Variants in ETFA observed in about 807,000 individuals in gnomAD.
The protein encoded by ETFA is electron transfer flavoprotein subunit alpha.
ETFA carries 22 observed loss-of-function variants against 46.2 expected under a neutral mutation model. The ratio of observed to expected loss-of-function variants is 0.48; its 90% CI spans 0.34 to 0.68. The LOEUF (loss-of-function observed/expected upper bound fraction) is 0.68. Ranked by LOEUF, ETFA falls within the 30% of genes least tolerant of loss-of-function variation. ETFA has a pLI of 0.01. For synonymous variants in ETFA, 131 were observed against 139.9 expected, an observed-to-expected ratio of 0.94 and a Z score of 0.45; for missense variants, 345 against 401.1, an observed-to-expected ratio of 0.86 and a Z score of 1.19.
chr15:76,274,192 C>T, intron 9 of ETFA: 1 of 549,128 alleles, frequency 1.8e-6, no homozygotes. Context: ...TGTTCCACTG[C>T]TTTAAAATAC....
chr15:76,231,183 G>A (rs2039063012), intron 10 of ETFA, 150 bp downstream of exon 10: 2 of 672,254 alleles, frequency 3.0e-6, no homozygotes, highest in East Asian at 5.3e-5. Flanking sequence ...TTAAGGCAGT[G>A]AACGGTAGCT....
At position 76,282,953 on chromosome 15, in the gene ETFA, G is replaced by A. The variant is rs1056209701; in HGVS notation, c.733+804C>T. Among the ~76,000 whole-genome samples, 3 of 151,906 alleles carry A rather than the reference G, an allele frequency of 2.0e-5. No homozygotes were observed. In the East Asian group the frequency reaches 5.8e-4, roughly 29 times the overall value. On this transcript the variant is annotated intron_variant, in intron 8 of 11. Transcript: ENST00000557943. ...TTACAGACACATGCTACTGTGCCTG[G>A]CTTAAATTTTTTTGGTTTTTCAAAA...
intron 9 of ETFA, among the ~76,000 whole-genome samples, chr15:76,272,166 T>C (rs1361674765): frequency 6.6e-6 from 1 of 151,962 alleles, no homozygotes; most frequent in Non-Finnish European, 1.5e-5. Flanking sequence ...AAGCACTCTC[T>C]GTCAGTCAAA....
intron 9 of ETFA, among the ~76,000 whole-genome samples, chr15:76,234,965 G>C (rs1381579878): frequency 6.6e-6 from 1 of 152,204 alleles, no homozygotes; most frequent in African/African-American, 2.4e-5. Flanking sequence ...CTGAGAAACT[G>C]TTGCATCTGA....
At chr15:76,236,730 T>C (rs1191148661) in intron 9 of ETFA, among the ~76,000 whole-genome samples, 1 of 152,078 alleles carries the variant, frequency 6.6e-6, no homozygotes, top group Admixed American at 6.5e-5. Flanking sequence ...ATGACAAAAA[T>C]CTATCAAATT....
chr15:76,286,165 G>C (rs2039703022), intron 6 of ETFA, among the ~76,000 whole-genome samples: 1 of 152,090 alleles, frequency 6.6e-6, no homozygotes, highest in African/African-American at 2.4e-5. Context: ...ATCTACCAAA[G>C]CAACTATCCT....
At position 76,216,467 on chromosome 15, in the gene ETFA, T is replaced by G. The variant is rs1010835441; in HGVS notation, c.*92A>C. 1.1e-5 allele frequency: 9 copies of G among 798,054 alleles called. No individual in the cohort carries two copies. Among genetic ancestry groups the G allele is most frequent in the Non-Finnish European group, 2.0e-5 (9 of 457,468 alleles). The allele number at this position is 798,054 out of a possible 1,614,324, so 49.4% of individuals were successfully genotyped here. A position where few individuals can be genotyped will look rare whatever the true frequency, so the allele number is the denominator to read the frequency against. On this transcript the variant is annotated 3_prime_UTR_variant, in exon 12 of 12. Coordinates refer to ENST00000557943, the MANE Select transcript of ETFA (RefSeq NM_000126.4). ...TCAAATTATGAAATGTAGCTCTCCA[T>G]GCTTTCCAATGATTGTTATAATACC...
chr15:76,272,222 C>CA (rs990724911), intron 9 of ETFA, among the ~76,000 whole-genome samples: 1 of 137,318 alleles, frequency 7.3e-6, no homozygotes, highest in African/African-American at 2.7e-5. Context: ...TTCTTTCTTT[C>CA]TTTTTTTTTT....
chr15:76,222,629 G>A (rs2038968484), intron 11 of ETFA, among the ~76,000 whole-genome samples: 1 of 152,118 alleles, frequency 6.6e-6, no homozygotes, highest in African/African-American at 2.4e-5. Context: ...TGCTGAGCCA[G>A]AGAGGCAGAG....
At chr15:76,310,584 CCTT>C (rs2039987322) in intron 1 of ETFA, among the ~76,000 whole-genome samples, 1 of 152,172 alleles carries the variant, frequency 6.6e-6, no homozygotes, top group Non-Finnish European at 1.5e-5. Context: ...TCCTATCAGT[CCTT>C]CTCACAACAG....
intron 11 of ETFA, among the ~76,000 whole-genome samples, chr15:76,217,192 C>T (rs2038905279): frequency 6.6e-6 from 1 of 152,106 alleles, no homozygotes; most frequent in African/African-American, 2.4e-5. Flanking sequence ...TTTTTCTTGT[C>T]TGGGTGAAGA....
chr15:76,309,701 T>G (rs1212439930), intron 1 of ETFA, among the ~76,000 whole-genome samples: 1 of 152,180 alleles, frequency 6.6e-6, no homozygotes, highest in South Asian at 2.1e-4. Flanking sequence ...TAGGCCAGAC[T>G]TGTAATCTGT....
chr15:76,221,286 A>C (rs62030230), intron 11 of ETFA, among the ~76,000 whole-genome samples: 11,004 of 152,284 alleles, frequency 0.072, 456 homozygotes, highest in Middle Eastern at 0.12. Flanking sequence ...CAATGTATAG[A>C]AACAGAAAGT....
intron 8 of ETFA, among the ~76,000 whole-genome samples, chr15:76,276,914 A>G (rs923483487): frequency 5.7e-4 from 87 of 152,318 alleles, no homozygotes; most frequent in African/African-American, 2.0e-3. Context: ...CAGTCTGATT[A>G]TTCCAGCTCA....
At chr15:76,276,357 C>T (rs1264356773) in intron 8 of ETFA, among the ~76,000 whole-genome samples, 1 of 151,884 alleles carries the variant, frequency 6.6e-6, no homozygotes, top group East Asian at 1.9e-4. Context: ...TGGATTTTTT[C>T]CTCTGGCTTC....
chr15:76,301,911 A>G (rs936211867), intron 1 of ETFA, among the ~76,000 whole-genome samples: 1 of 152,230 alleles, frequency 6.6e-6, no homozygotes, highest in Non-Finnish European at 1.5e-5. Flanking sequence ...CTCACCAAAG[A>G]AGATGGCCAA....
At chr15:76,254,620 G>C (rs776296260) in intron 9 of ETFA, among the ~76,000 whole-genome samples, 1 of 152,118 alleles carries the variant, frequency 6.6e-6, no homozygotes, top group Admixed American at 6.5e-5. Flanking sequence ...GTAATACTAA[G>C]ATGTTATTTA....
intron 4 of ETFA, among the ~76,000 whole-genome samples, chr15:76,288,352 A>C: frequency 6.6e-6 from 1 of 152,288 alleles, no homozygotes; most frequent in Middle Eastern, 3.4e-3. Flanking sequence ...ACATTTACTT[A>C]ATGTATATAA....
chr15:76,257,363 G>A (rs1283887677), intron 9 of ETFA, among the ~76,000 whole-genome samples: 2 of 152,064 alleles, frequency 1.3e-5, no homozygotes, highest in Non-Finnish European at 1.5e-5. Flanking sequence ...GTGTCTGTTC[G>A]GAACAGAACT....
Sources: gnomAD v4.1 joint callset for allele counts (sites outside exome capture counted in the v4.1 genomes callset) on GRCh38, gnomAD v4.1.1 for gene constraint, MANE v1.5 for transcripts, NCBI Gene and HGNC (gene_info 2026-07-23, HGNC 2026-07-21) for gene names.